The following ATXN1 variants were observed in gnomAD, a reference collection of about 807,000 sequenced individuals.
ATXN1 encodes ataxin-1.
A neutral mutation model predicts 56.4 loss-of-function variants in ATXN1; 8 were observed. The observed-to-expected ratio is 0.14, with a 90% CI of 0.08 to 0.26. The LOEUF is 0.26. Among genes scored for constraint, ATXN1 ranks in the 10% least tolerant of loss-of-function variants. The pLI, the probability that ATXN1 is intolerant of heterozygous loss-of-function variation, is 1.00. For synonymous variants in ATXN1, 514 were observed against 494.6 expected (o/e 1.04, Z -0.52); for missense variants, 987 against 1,106.5 (o/e 0.89, Z 1.53).
intron 7 of ATXN1, among the ~76,000 whole-genome samples, chr6:16,321,592 G>A (rs1011454509): frequency 3.9e-5 from 6 of 152,244 alleles, no homozygotes; most frequent in Non-Finnish European, 8.8e-5. Flanking sequence ...CACAGGGATA[G>A]TGACAAACAC....
intron 6 of ATXN1, among the ~76,000 whole-genome samples, chr6:16,382,828 TA>T (rs975909003): frequency 4.6e-4 from 48 of 104,454 alleles, no homozygotes; most frequent in Non-Finnish European, 5.6e-4. Flanking sequence ...GCTGATGAGC[TA>T]AAAAAAAAAT....
intron 2 of ATXN1, among the ~76,000 whole-genome samples, chr6:16,667,800 C>T (rs529889757): frequency 1.3e-5 from 2 of 152,350 alleles, no homozygotes; most frequent in African/African-American, 4.8e-5. Context: ...TTATTTCTCT[C>T]ACCTCAGATG....
chr6:16,532,927 G>T (rs1168454906), intron 4 of ATXN1, among the ~76,000 whole-genome samples: 1 of 152,160 alleles, frequency 6.6e-6, no homozygotes, highest in Admixed American at 6.5e-5. Context: ...ACAGATATTT[G>T]TATACCAGTG....
chr6:16,643,627 CAAAAAAAA>C (rs58223053), intron 3 of ATXN1, among the ~76,000 whole-genome samples: 12 of 63,198 alleles, frequency 1.9e-4, no homozygotes, highest in Admixed American at 5.7e-4. Flanking sequence ...GAGACCCTGC[CAAAAAAAA>C]AAAAAAAAAA....
At chr6:16,701,913 G>A (rs1394128033) in intron 2 of ATXN1, among the ~76,000 whole-genome samples, 1 of 152,156 alleles carries the variant, frequency 6.6e-6, no homozygotes, top group Non-Finnish European at 1.5e-5. Context: ...TACTGCCCAA[G>A]GTAATTTATA....
intron 6 of ATXN1, among the ~76,000 whole-genome samples, chr6:16,395,084 C>G (rs1318033140): frequency 6.6e-6 from 1 of 151,678 alleles, no homozygotes; most frequent in African/African-American, 2.4e-5. Flanking sequence ...CCAGTCGGAC[C>G]AACATGGAGA....
intron 6 of ATXN1, among the ~76,000 whole-genome samples, chr6:16,346,218 G>C (rs1412778399): frequency 6.6e-6 from 1 of 152,078 alleles, no homozygotes; most frequent in Non-Finnish European, 1.5e-5. Context: ...ACCATGCCTG[G>C]CTAGTTTTTG....
intron 6 of ATXN1, among the ~76,000 whole-genome samples, chr6:16,347,228 G>A (rs775147724): frequency 3.5e-4 from 53 of 152,268 alleles, no homozygotes; most frequent in Non-Finnish European, 6.3e-4. Flanking sequence ...GAGTGCGGGC[G>A]CACGGCACTG....
At chr6:16,320,424 C>T (rs139100179) in intron 7 of ATXN1, among the ~76,000 whole-genome samples, 38 of 143,972 alleles carry the variant, frequency 2.6e-4, no homozygotes, top group African/African-American at 1.0e-3. Flanking sequence ...AAGCGACAGA[C>T]GGCCCTAATA....
At chr6:16,601,576 C>T (rs374593824) in intron 3 of ATXN1, among the ~76,000 whole-genome samples, 151 of 152,230 alleles carry the variant, frequency 9.9e-4, no homozygotes, top group African/African-American at 3.3e-3. Flanking sequence ...TTCAGCTGTG[C>T]GCAGTGGCTC....
intron 3 of ATXN1, among the ~76,000 whole-genome samples, chr6:16,643,258 A>G (rs1763739847): frequency 6.6e-6 from 1 of 151,620 alleles, no homozygotes. Flanking sequence ...AACTCAAAAA[A>G]AAAAAAAAAA....
intron 2 of ATXN1, among the ~76,000 whole-genome samples, chr6:16,722,042 G>A (rs1041175955): frequency 6.6e-6 from 1 of 152,154 alleles, no homozygotes; most frequent in Non-Finnish European, 1.5e-5. Flanking sequence ...CACACTCAGT[G>A]GCCTCACCTG....
rs1760893886 is a variant in ATXN1 at position 16,328,181 on chromosome 6, C to G, written c.130G>C (p.Ala44Pro). The G allele has an allele frequency of 6.3e-7, 1 of 1,596,996 alleles. No individual in the cohort carries two copies. Among genetic ancestry groups the G allele is most frequent in the Non-Finnish European group, 8.6e-7 (1 of 1,169,154 alleles). ...CCACCAGGGTTGCCCGGGAGCCATG[C>G]TGTGCCCTCCACCCGGTGGTTGTCG... Reference protein sequence around the residue: ...PSDNHRVEGTAWLPGNPGGRG... With the variant: ...PSDNHRVEGTPWLPGNPGGRG... The change falls in exon 7 of 8, where the codon GCA becomes CCA. Residue 44 changes from alanine (A) to proline (P), a missense_variant. Transcript: ENST00000436367. This position sits in a 1 kb window ranked among gnomAD's most constrained non-coding sequence, Gnocchi z 6.2.
At chr6:16,641,726 C>T (rs1464450135) in intron 3 of ATXN1, among the ~76,000 whole-genome samples, 1 of 152,158 alleles carries the variant, frequency 6.6e-6, no homozygotes, top group Non-Finnish European at 1.5e-5. Flanking sequence ...TTCAAGTCTT[C>T]TTATTTAAGA....
At chr6:16,546,775 G>A (rs575553897) in intron 4 of ATXN1, among the ~76,000 whole-genome samples, 4 of 152,296 alleles carry the variant, frequency 2.6e-5, no homozygotes, top group Admixed American at 6.5e-5. Context: ...GATGACTTCC[G>A]TGAGGTGAGA....
At chr6:16,440,648 A>AAAAAGAAAG (rs1554147544) in intron 6 of ATXN1, among the ~76,000 whole-genome samples, 1 of 118,570 alleles carries the variant, frequency 8.4e-6, no homozygotes. Flanking sequence ...CTTAAAAAAA[A>AAAAAGAAAG]AAAAGAAAAG....
chr6:16,346,537 T>G (rs1761392571), intron 6 of ATXN1, among the ~76,000 whole-genome samples: 1 of 152,234 alleles, frequency 6.6e-6, no homozygotes, highest in South Asian at 2.1e-4. Flanking sequence ...TAACACTTGA[T>G]AATATCGTTC....
intron 2 of ATXN1, among the ~76,000 whole-genome samples, chr6:16,710,804 T>A (rs1347850657): frequency 6.6e-6 from 1 of 151,948 alleles, no homozygotes; most frequent in African/African-American, 2.4e-5. Flanking sequence ...CCCAGGCTGG[T>A]CTCAAACTCC....
At chr6:16,537,707 AAAAAAAAGAAAAAAAG>A (rs570341586) in intron 4 of ATXN1, among the ~76,000 whole-genome samples, 1 of 151,404 alleles carries the variant, frequency 6.6e-6, no homozygotes, top group African/African-American at 2.4e-5. Flanking sequence ...ACTCTGTCTC[AAAAAAAAGAAAAAAAG>A]AAAAAAAGAA....
Sources: allele counts gnomAD v4.1 joint callset (sites outside exome capture counted in the v4.1 genomes callset), GRCh38; gene constraint gnomAD v4.1.1; non-coding constraint Gnocchi (gnomAD v3.1); transcripts MANE v1.5; gene names NCBI Gene and HGNC (gene_info 2026-07-23, HGNC 2026-07-21).